The following GDAP1L1 variants were observed in gnomAD, a reference collection of about 807,000 sequenced individuals.
GDAP1L1 encodes ganglioside induced differentiation associated protein 1 like 1, also known as ganglioside-induced differentiation-associated protein 1-like 1.
In GDAP1L1, 21 loss-of-function variants were observed where a neutral mutation model predicts 37.1. The observed-to-expected ratio is 0.57, with a 90% CI of 0.40 to 0.81. The LOEUF is 0.81. Ranked by LOEUF, GDAP1L1 falls within the 40% of genes least tolerant of loss-of-function variation. The probability of loss-of-function intolerance (pLI) is 0.00; values close to 1 mark genes in which losing one functional copy is unlikely to be tolerated. For missense variants in GDAP1L1, 362 were observed against 491.6 expected, an observed-to-expected ratio of 0.74 and a Z score of 2.49; for synonymous variants, 193 against 209.1, an observed-to-expected ratio of 0.92 and a Z score of 0.67.
At chr20:44,247,284 G>A (rs1197409397), upstream of GDAP1L1, 3 of 1,589,732 alleles carry the variant, frequency 1.9e-6, no homozygotes, top group East Asian at 4.5e-5. Context: ...GGGCGAGAGA[G>A]AGCCGCCGCG....
chr20:44,270,025 C>T (rs1454871339), intron 5 of GDAP1L1, among the ~76,000 whole-genome samples: 1 of 152,098 alleles, frequency 6.6e-6, no homozygotes, highest in Non-Finnish European at 1.5e-5. Flanking sequence ...AGTTCTCAGC[C>T]AATACATGGT....
At chr20:44,253,932 C>A (rs969452881) in intron 1 of GDAP1L1, among the ~76,000 whole-genome samples, 1 of 152,240 alleles carries the variant, frequency 6.6e-6, no homozygotes, top group African/African-American at 2.4e-5. Flanking sequence ...ATGGGAGCGG[C>A]CCCTGGAGGC....
At chr20:44,256,837 C>T (rs1217695939) in intron 1 of GDAP1L1, among the ~76,000 whole-genome samples, 1 of 152,060 alleles carries the variant, frequency 6.6e-6, no homozygotes, top group East Asian at 1.9e-4. Flanking sequence ...AACTGAGGCC[C>T]AGAAAGTTTA....
rs1568654697 is a variant in GDAP1L1, at chr20:44,266,385, T to A, written c.760+1826T>A. 4.0e-5 allele frequency among the ~76,000 whole-genome samples: 6 copies of A among 151,268 alleles called. No homozygotes were observed. The South Asian group carries it at 1.2e-3, about 31-fold the overall frequency. ...TAGCTAAGGGGAGCTGTTGCAGAGT[T>A]AATGGCTCTGAGGGGCCAAAAGGCT... On this transcript the variant is annotated intron_variant, in intron 5 of 5. Coordinates refer to ENST00000342560, the MANE Select transcript of GDAP1L1 (RefSeq NM_024034.6).
In GDAP1L1 at chr20:44,257,176, G is replaced by T. The variant is rs754428901; in HGVS notation, c.204G>T (p.Lys68Asn). The T allele has an allele frequency of 6.2e-7, 1 of 1,601,900 alleles. No homozygotes were observed. The highest frequency in any genetic ancestry group is 1.1e-5 in the South Asian group (1 of 89,628). Residue 68 changes from lysine to asparagine, a missense_variant, in exon 2 of 6, where the codon AAG becomes AAT. Around this residue, in one of 2 missense-constraint regions of GDAP1L1, gnomAD observed 277 missense variants for 337.1 expected, o/e 0.82. Coordinates refer to ENST00000342560, the MANE Select transcript of GDAP1L1 (RefSeq NM_024034.6). ...AGGTGCGGCTGGTGATCGCCGAGAA[G>T]GGCCTGGTGTGCGAGGAGCGGGACG... ...SQKVRLVIAE[K>N]GLVCEERDVS...
chr20:44,255,399 A>G (rs2073518264), intron 1 of GDAP1L1, among the ~76,000 whole-genome samples: 1 of 151,722 alleles, frequency 6.6e-6, no homozygotes, highest in South Asian at 2.1e-4. Context: ...AAAATTAGCC[A>G]AGTGTGGTGG....
intron 3 of GDAP1L1, among the ~76,000 whole-genome samples, chr20:44,258,966 G>GCC (rs1555799438): frequency 1.0e-4 from 10 of 99,594 alleles, no homozygotes; most frequent in African/African-American, 3.5e-4. Flanking sequence ...CTCTTGTCCT[G>GCC]CCCCCCCCAT....
chr20:44,265,270 G>A (rs558524465), intron 5 of GDAP1L1: 1 of 985,294 alleles, frequency 1.0e-6, no homozygotes, highest in East Asian at 1.1e-4. Context: ...CCATGCTTTT[G>A]CTCCCACAGC....
rs36056669 is a variant in GDAP1L1 at position 44,267,616 on chromosome 20, G to GAA, written c.760+3071_760+3072dup. On this transcript the variant is annotated intron_variant, in intron 5 of 5. Coordinates refer to ENST00000342560, the MANE Select transcript of GDAP1L1 (RefSeq NM_024034.6). The stretch of plus-strand genomic sequence containing the variant: ...CCAGAGCAAGACTCTGTCTCAAAGA[G>GAA]AAAAAAAAAAAAAAAGGCAGGGGGT... Among the ~76,000 whole-genome samples the GAA allele has an allele frequency of 9.5e-5, 10 of 105,112 alleles. No individual in the cohort carries two copies. In the East Asian group the frequency reaches 1.5e-3, roughly 16 times the overall value. The allele number at this position is 105,112 out of a possible 152,430, so 69.0% of individuals were successfully genotyped here.
intron 5 of GDAP1L1, among the ~76,000 whole-genome samples, chr20:44,268,078 C>T (rs1224474767): frequency 6.6e-6 from 1 of 152,248 alleles, no homozygotes; most frequent in Non-Finnish European, 1.5e-5. Context: ...TTCCCTGAAC[C>T]TGACTGGGTT....
At chr20:44,250,439 A>G (rs1038377379) in intron 1 of GDAP1L1, among the ~76,000 whole-genome samples, 4 of 152,252 alleles carry the variant, frequency 2.6e-5, no homozygotes, top group African/African-American at 4.8e-5. Flanking sequence ...CACGTGGCAC[A>G]TAGAAAGTGC....
Position 44,264,450 on chromosome 20 carries a change from G to T in GDAP1L1, c.651G>T (p.Lys217Asn), listed in dbSNP as rs1203518904. 1 of 1,497,332 alleles carries T rather than the reference G, an allele frequency of 6.7e-7. No homozygotes were observed. The highest frequency in any genetic ancestry group is 2.4e-5 in the East Asian group (1 of 42,310). 92.8% of individuals were successfully genotyped at this position (1,497,332 alleles called of 1,614,324 possible). A position where few individuals can be genotyped will look rare whatever the true frequency, so the allele number is the denominator to read the frequency against. Residue 217 changes from lysine (K) to asparagine (N), a missense_variant, in exon 5 of 6, where the codon AAG becomes AAT. Around this residue, in one of 2 missense-constraint regions of GDAP1L1, gnomAD observed 277 missense variants for 337.1 expected, o/e 0.82. Transcript: ENST00000342560. Reference protein sequence around the residue: ...YLSKQKKLMAKILEHDDVSYL... With the variant: ...YLSKQKKLMANILEHDDVSYL... Reference sequence around the variant, plus strand: ...TGGCCCTGTCCTGCCCCCAGGCCAAGATCTTGGAGCATGATGATGTGAGCT... The same window carrying T: ...TGGCCCTGTCCTGCCCCCAGGCCAATATCTTGGAGCATGATGATGTGAGCT...
At chr20:44,265,300 C>T (rs2073744396) in intron 5 of GDAP1L1, 1 of 985,184 alleles carries the variant, frequency 1.0e-6, no homozygotes. Flanking sequence ...CTGGAGCACC[C>T]TTCCTACACC....
At chr20:44,257,715 C>T (rs1004260363) in intron 2 of GDAP1L1, among the ~76,000 whole-genome samples, 20 of 152,104 alleles carry the variant, frequency 1.3e-4, no homozygotes, top group African/African-American at 4.6e-4. Context: ...TCCCCACAGA[C>T]AGGGTCCAGA....
chr20:44,279,355 C>A lies in GDAP1L1; in HGVS notation c.*55C>A. 3 of 1,149,802 alleles carry A rather than the reference C, an allele frequency of 2.6e-6. No individual in the cohort carries two copies. Among genetic ancestry groups the A allele is most frequent in the Non-Finnish European group, 3.9e-6 (3 of 774,574 alleles). The allele number at this position is 1,149,802 out of a possible 1,614,324, so 71.2% of individuals were successfully genotyped here. The stretch of plus-strand genomic sequence containing the variant: ...TCGGTGTCTCTGTGCTGTGTGATTC[C>A]CCGTGAGCTCTCAGTAACTCACTGT... On this transcript the variant is annotated 3_prime_UTR_variant, in exon 6 of 6. Transcript: ENST00000342560.
intron 5 of GDAP1L1, among the ~76,000 whole-genome samples, chr20:44,268,516 T>A (rs1219919010): frequency 6.6e-6 from 1 of 152,142 alleles, no homozygotes; most frequent in Non-Finnish European, 1.5e-5. Flanking sequence ...GAGTTTGCAG[T>A]CTTACAGAGG....
chr20:44,264,771 G>A (rs1174999859), intron 5 of GDAP1L1: 2 of 1,215,974 alleles, frequency 1.6e-6, no homozygotes, highest in Non-Finnish European at 2.2e-6. Context: ...CTGAAATTCA[G>A]TTTCCCATCT....
At chr20:44,275,010 A>T (rs919821109) in intron 5 of GDAP1L1, among the ~76,000 whole-genome samples, 1 of 152,118 alleles carries the variant, frequency 6.6e-6, no homozygotes, top group Non-Finnish European at 1.5e-5. Flanking sequence ...CTCCTGCCTC[A>T]GCCTCCCTAG....
At chr20:44,274,903 G>C (rs1174388090) in intron 5 of GDAP1L1, among the ~76,000 whole-genome samples, 1 of 152,082 alleles carries the variant, frequency 6.6e-6, no homozygotes, top group East Asian at 1.9e-4. Flanking sequence ...TTGTTTGTTT[G>C]TTAGTTTTTG....
Sources: allele counts gnomAD v4.1 joint callset (sites outside exome capture counted in the v4.1 genomes callset), GRCh38; gene constraint gnomAD v4.1.1; regional missense constraint gnomAD v4.1.1; transcripts MANE v1.5; gene names NCBI Gene and HGNC (gene_info 2026-07-23, HGNC 2026-07-21).